The following NTN1 variants were observed in gnomAD, a reference collection of about 807,000 sequenced individuals.
NTN1 encodes the protein netrin 1, also known as netrin-1.
Under a neutral mutation model 54.2 loss-of-function variants are expected in NTN1, and 11 were observed. The ratio of observed to expected loss-of-function variants is 0.20; its 90% CI spans 0.13 to 0.34. NTN1 has a LOEUF of 0.34. Among genes scored for constraint, NTN1 ranks in the 10% least tolerant of loss-of-function variants. The pLI, the probability that NTN1 is intolerant of heterozygous loss-of-function variation, is 1.00. For missense variants in NTN1, 740 were observed against 893.1 expected (o/e 0.83, Z 2.18); for synonymous variants, 371 against 382.0 (o/e 0.97, Z 0.33).
At chr17:9,017,816 T>C (rs1490526493), upstream of NTN1, among the ~76,000 whole-genome samples, 1 of 152,214 alleles carries the variant, frequency 6.6e-6, no homozygotes, top group Non-Finnish European at 1.5e-5. Flanking sequence ...ACATCTGTTT[T>C]TTTCATTTGT....
intron 2 of NTN1, among the ~76,000 whole-genome samples, chr17:9,064,627 G>T (rs540240357): frequency 6.6e-6 from 1 of 152,038 alleles, no homozygotes. Flanking sequence ...TTCACACATC[G>T]TTCATAGTGT....
chr17:9,011,475 G>A, the NTN1 span, among the ~76,000 whole-genome samples: 5 of 152,158 alleles, frequency 3.3e-5, 1 homozygote, highest in South Asian at 4.1e-4. Flanking sequence ...AGTCCATCCC[G>A]ATATGCCATA....
chr17:9,040,799 T>A (rs1310288105), intron 2 of NTN1, among the ~76,000 whole-genome samples: 1 of 150,346 alleles, frequency 6.7e-6, no homozygotes, highest in African/African-American at 2.4e-5. Context: ...CTTTCTTACT[T>A]TTTTTTTTGT....
intron 2 of NTN1, among the ~76,000 whole-genome samples, chr17:9,035,062 T>G (rs1376561505): frequency 1.3e-5 from 2 of 152,182 alleles, no homozygotes; most frequent in African/African-American, 4.8e-5. Flanking sequence ...TTCTCCTGCC[T>G]CAGTCTCCCG....
chr17:9,042,748 C>G (rs1348174972), intron 2 of NTN1, among the ~76,000 whole-genome samples: 1 of 151,016 alleles, frequency 6.6e-6, no homozygotes, highest in Non-Finnish European at 1.5e-5. Flanking sequence ...GATTGCGCCA[C>G]TGCACTCCAG....
chr17:9,221,217 G>T lies in NTN1; in HGVS notation c.1461G>T (p.Met487Ile), dbSNP rs1328658979. 3 of 1,609,380 alleles carry T rather than the reference G, an allele frequency of 1.9e-6. No homozygotes were observed. Among genetic ancestry groups the T allele is most frequent in the African/African-American group, 2.8e-5 (2 of 72,656 alleles). ...CCAAGGGGAAGCTGAAGATTAACATGAAAAAGTACTGCAAGAAGGACTATG... is the reference window on the plus strand; with the variant it reads ...CCAAGGGGAAGCTGAAGATTAACATTAAAAAGTACTGCAAGAAGGACTATG... ...KASKGKLKIN[M>I]KKYCKKDYAV... Residue 487 changes from methionine to isoleucine, a missense_variant, in exon 6 of 7, where the codon ATG (methionine) becomes ATT (isoleucine). Met to Ile is a conservative substitution (Grantham distance 10). Transcript: ENST00000173229. The surrounding 1 kb of genome is among the most constrained non-coding windows in gnomAD (Gnocchi z 4.5).
At chr17:9,175,504 G>C (rs183704420) in intron 3 of NTN1, 15 of 152,414 alleles carry the variant, frequency 9.8e-5, no homozygotes, top group Non-Finnish European at 1.9e-4. Context: ...TGCTGCCCTG[G>C]TTCCTTTGGA....
At chr17:9,053,421 T>C (rs1358545869) in intron 2 of NTN1, among the ~76,000 whole-genome samples, 1 of 152,190 alleles carries the variant, frequency 6.6e-6, no homozygotes, top group Non-Finnish European at 1.5e-5. Context: ...TATTAGAAAT[T>C]AATCAATTAA....
intron 2 of NTN1, among the ~76,000 whole-genome samples, chr17:9,101,870 GTAGTCCCAGCTGC>G (rs1234037128): frequency 1.3e-5 from 2 of 152,122 alleles, no homozygotes; most frequent in Non-Finnish European, 1.5e-5. Context: ...CTGTGTACCT[GTAGTCCCAGCTGC>G]TGGGAGGCTG....
intron 5 of NTN1, among the ~76,000 whole-genome samples, chr17:9,204,454 C>A (rs1904913735): frequency 6.6e-6 from 1 of 151,974 alleles, no homozygotes; most frequent in Non-Finnish European, 1.5e-5. Context: ...CCACCACACC[C>A]TGCTAAGTTT....
At chr17:9,094,188 C>T (rs1275154896) in intron 2 of NTN1, among the ~76,000 whole-genome samples, 2 of 152,182 alleles carry the variant, frequency 1.3e-5, no homozygotes, top group Non-Finnish European at 2.9e-5. Flanking sequence ...TATCTTGACT[C>T]TCTTGCTGCA....
chr17:9,076,091 T>C (rs888074217), intron 2 of NTN1, among the ~76,000 whole-genome samples: 1 of 152,216 alleles, frequency 6.6e-6, no homozygotes, highest in Non-Finnish European at 1.5e-5. Context: ...CAGCTGACTG[T>C]GCTCATGAGA....
At chr17:9,031,307 T>C (rs1301144886) in intron 2 of NTN1, among the ~76,000 whole-genome samples, 2 of 152,174 alleles carry the variant, frequency 1.3e-5, no homozygotes, top group African/African-American at 4.8e-5. Flanking sequence ...TGATTGCCAT[T>C]GTCAGGGCTT....
intron 2 of NTN1, among the ~76,000 whole-genome samples, chr17:9,036,658 C>A (rs2091904477): frequency 6.6e-6 from 1 of 152,140 alleles, no homozygotes; most frequent in Non-Finnish European, 1.5e-5. Flanking sequence ...CTCTGGGCCT[C>A]AGTTCTCTCC....
chr17:9,098,135 C>T (rs2092138152), intron 2 of NTN1, among the ~76,000 whole-genome samples: 1 of 152,220 alleles, frequency 6.6e-6, no homozygotes, highest in African/African-American at 2.4e-5. Context: ...TTATTGTCAC[C>T]TGGCATCGTT....
At chr17:9,115,234 A>AT (rs1415297943) in intron 2 of NTN1, among the ~76,000 whole-genome samples, 2 of 152,234 alleles carry the variant, frequency 1.3e-5, no homozygotes, top group Non-Finnish European at 2.9e-5. Flanking sequence ...CAGCACCTTA[A>AT]TACCGATTCA....
intron 2 of NTN1, among the ~76,000 whole-genome samples, chr17:9,067,246 G>A (rs928514744): frequency 8.5e-5 from 12 of 141,294 alleles, no homozygotes; most frequent in Admixed American, 2.2e-4. Context: ...CAGCCTGGGC[G>A]ACAGAGCAAG....
intron 2 of NTN1, among the ~76,000 whole-genome samples, chr17:9,089,500 T>A (rs1057175164): frequency 1.3e-5 from 2 of 152,174 alleles, no homozygotes; most frequent in Non-Finnish European, 2.9e-5. Flanking sequence ...TAGAGCAATG[T>A]CCTAGGTGAC....
chr17:9,137,374 C>T (rs1315421072), intron 2 of NTN1, among the ~76,000 whole-genome samples: 1 of 152,170 alleles, frequency 6.6e-6, no homozygotes, highest in African/African-American at 2.4e-5. Context: ...GAGGTGTCCC[C>T]AGTACCTAGA....
Sources: allele counts gnomAD v4.1 joint callset (sites outside exome capture counted in the v4.1 genomes callset), GRCh38; gene constraint gnomAD v4.1.1; non-coding constraint Gnocchi (gnomAD v3.1); transcripts MANE v1.5; gene names NCBI Gene and HGNC (gene_info 2026-07-23, HGNC 2026-07-21).